TDP1: variants seen among roughly 807,000 people sequenced by gnomAD.
TDP1 encodes tyr-DNA phosphodiesterase 1.
TDP1 carries 64 observed loss-of-function variants against 81.5 expected under a neutral mutation model. The ratio of observed to expected loss-of-function variants is 0.79; its 90% CI spans 0.64 to 0.97. The LOEUF is 0.97. Ranked by LOEUF, TDP1 falls within the 50% of genes least tolerant of loss-of-function variation. TDP1 has a pLI of 0.00. For synonymous variants in TDP1, 256 were observed against 264.3 expected (o/e 0.97, Z 0.30); for missense variants, 723 against 743.8 (o/e 0.97, Z 0.33).
chr14:89,963,264 G>A lies in TDP1; in HGVS notation c.150G>A (p.Glu50=). 1 of 1,614,134 alleles carries A rather than the reference G, an allele frequency of 6.2e-7. No individual in the cohort carries two copies. Among genetic ancestry groups the A allele is most frequent in the African/African-American group, 1.3e-5 (1 of 75,018 alleles). ...ATGAGCCCAGGTACACCTGTTCCGA[G>A]GCCCAGAAAGCTGCACACAAGAGGA... The part of the protein sequence containing the change: ...AANEPRYTCS[E]AQKAAHKRKI... The change falls in exon 3 of 17, where the codon GAG becomes GAA. Residue 50 remains glutamate (E), a synonymous_variant. Coordinates refer to ENST00000335725, the MANE Select transcript of TDP1 (RefSeq NM_018319.4).
chr14:89,963,925 A>G (rs1246436109), intron 3 of TDP1, among the ~76,000 whole-genome samples: 2 of 152,216 alleles, frequency 1.3e-5, no homozygotes, highest in Non-Finnish European at 2.9e-5. Context: ...GTTTAGCATT[A>G]TTTAACTTTT....
At chr14:90,013,002 G>A (rs1342706793) in intron 14 of TDP1, among the ~76,000 whole-genome samples, 1 of 152,216 alleles carries the variant, frequency 6.6e-6, no homozygotes, top group Non-Finnish European at 1.5e-5. Context: ...CATGGGGCCT[G>A]TAGCCCCTTT....
At chr14:89,994,183 T>G (rs182122563) in intron 14 of TDP1, among the ~76,000 whole-genome samples, 31 of 152,326 alleles carry the variant, frequency 2.0e-4, no homozygotes, top group African/African-American at 6.5e-4. Context: ...AGCAACTAAT[T>G]AAAGTATCAC....
chr14:89,972,289 A>AGG (rs1369429396), intron 6 of TDP1, among the ~76,000 whole-genome samples: 3 of 77,476 alleles, frequency 3.9e-5, no homozygotes, highest in Non-Finnish European at 6.9e-5. Flanking sequence ...AGCAAGAGGG[A>AGG]AGAGAGGGGG....
intron 16 of TDP1, among the ~76,000 whole-genome samples, chr14:90,037,883 T>C (rs1205934615): frequency 2.0e-5 from 3 of 152,208 alleles, no homozygotes; most frequent in Non-Finnish European, 4.4e-5. Context: ...CTCCATTAAT[T>C]TGGAACAGTT....
At chr14:90,012,338 G>A (rs1231179143) in intron 14 of TDP1, among the ~76,000 whole-genome samples, 2 of 151,982 alleles carry the variant, frequency 1.3e-5, no homozygotes, top group Non-Finnish European at 2.9e-5. Flanking sequence ...CAAGCTGTCA[G>A]TGAATCTACA....
In TDP1 at chr14:89,971,243, A is replaced by G. The variant is rs755722759; in HGVS notation, c.728A>G (p.Lys243Arg). Residue 243 changes from lysine to arginine, a missense_variant, in exon 6 of 17, where the codon AAG becomes AGG. Lys to Arg is a conservative substitution (Grantham distance 26). Transcript: ENST00000335725. Reference protein sequence around the residue: ...EAKAHLHAQAKPYENISLCQA... With the variant: ...EAKAHLHAQARPYENISLCQA... ...AAGGCTCACCTCCATGCCCAGGCCAAGCCTTACGAGAACATCTCTCTCTGC... is the reference window on the plus strand; with the variant it reads ...AAGGCTCACCTCCATGCCCAGGCCAGGCCTTACGAGAACATCTCTCTCTGC... The G allele has an allele frequency of 6.2e-7, 1 of 1,614,000 alleles. No homozygotes were observed. The highest frequency in any genetic ancestry group is 8.5e-7 in the Non-Finnish European group (1 of 1,179,974).
chr14:89,966,083 T>C (rs1047628395), intron 3 of TDP1, 64 bp from the exon 4 acceptor site: 17 of 1,109,990 alleles, frequency 1.5e-5, no homozygotes, highest in Admixed American at 8.5e-5. Flanking sequence ...AATGAGTTAG[T>C]AGTGATTATT....
At chr14:89,984,766 G>A (rs1895369479) in intron 9 of TDP1, 83 bp downstream of exon 9, 4 of 1,601,316 alleles carry the variant, frequency 2.5e-6, no homozygotes, top group Admixed American at 1.7e-5. Context: ...GCAGGGGCCT[G>A]GAAAGAGGTG....
chr14:89,983,246 C>T, intron 8 of TDP1: 1 of 421,982 alleles, frequency 2.4e-6, no homozygotes, highest in Non-Finnish European at 4.7e-6. Context: ...GAGGCAAAGG[C>T]CCAGAGAGAT....
intron 6 of TDP1, among the ~76,000 whole-genome samples, chr14:89,973,370 C>T (rs551208665): frequency 2.6e-5 from 4 of 152,282 alleles, no homozygotes; most frequent in South Asian, 2.1e-4. Flanking sequence ...TACCTGTGCT[C>T]GTTTAGGAGA....
chr14:90,012,061 G>A (rs1884775207), intron 14 of TDP1, among the ~76,000 whole-genome samples: 1 of 152,206 alleles, frequency 6.6e-6, no homozygotes, highest in Non-Finnish European at 1.5e-5. Context: ...GTGCAGTCTT[G>A]GGACTTGGTG....
chr14:89,979,939 C>T (rs1021229669), intron 7 of TDP1, among the ~76,000 whole-genome samples: 4 of 152,154 alleles, frequency 2.6e-5, no homozygotes, highest in Non-Finnish European at 4.4e-5. Context: ...AGATAACACA[C>T]TTTTGACAAG....
At position 89,981,184 on chromosome 14, in the gene TDP1, G is replaced by A. The variant is rs568439074; in HGVS notation, c.884+552G>A. Among the ~76,000 whole-genome samples the A allele has an allele frequency of 1.5e-4, 23 of 152,296 alleles. No individual in the cohort carries two copies. In the South Asian group the frequency reaches 4.8e-3, roughly 32 times the overall value. On this transcript the variant is annotated intron_variant, in intron 8 of 16. Transcript: ENST00000335725. ...TGCTAAATATTTCCCCACTCCCCCA[G>A]TTGGTGTATTTTCTTTGAAACAAAT...
chr14:90,010,033 A>C (rs1399455391), intron 14 of TDP1, among the ~76,000 whole-genome samples: 3 of 152,276 alleles, frequency 2.0e-5, no homozygotes, highest in Non-Finnish European at 4.4e-5. Flanking sequence ...TATAAAGCCT[A>C]GAACAAGAAT....
chr14:89,959,236 T>C (rs1892042649), intron 2 of TDP1, among the ~76,000 whole-genome samples: 3 of 152,248 alleles, frequency 2.0e-5, no homozygotes, highest in Admixed American at 2.0e-4. Context: ...AGATTTATGC[T>C]GTACCAAGCA....
At chr14:90,018,884 T>G (rs1885629799) in intron 14 of TDP1, 1 of 814,104 alleles carries the variant, frequency 1.2e-6, no homozygotes, top group South Asian at 5.7e-5. Flanking sequence ...TAGCACTACC[T>G]GGCAAAAAAA....
chr14:89,954,976 C>T (rs1891431646), upstream of TDP1: 7 of 462,434 alleles, frequency 1.5e-5, no homozygotes, highest in Non-Finnish European at 2.7e-5. Flanking sequence ...CCAAGCGCTT[C>T]TAGGTGCTGG....
At chr14:90,007,580 C>T (rs1326776709) in intron 14 of TDP1, among the ~76,000 whole-genome samples, 1 of 152,110 alleles carries the variant, frequency 6.6e-6, no homozygotes. Context: ...TAGAGCAAGA[C>T]CCTGTCTCGG....
Sources: allele counts gnomAD v4.1 joint callset (sites outside exome capture counted in the v4.1 genomes callset), GRCh38; gene constraint gnomAD v4.1.1; transcripts MANE v1.5; gene names NCBI Gene and HGNC (gene_info 2026-07-23, HGNC 2026-07-21).